CNIH3: variants seen among roughly 807,000 people sequenced by gnomAD.
CNIH3 encodes the protein cornichon family AMPA receptor auxiliary protein 3.
Under a neutral mutation model 24.1 loss-of-function variants are expected in CNIH3, and 14 were observed. The observed-to-expected ratio is 0.58, with a 90% CI of 0.38 to 0.91. CNIH3 has a LOEUF of 0.91. Ranked by LOEUF, CNIH3 falls within the 40% of genes least tolerant of loss-of-function variation. CNIH3 has a pLI of 0.00. For missense variants in CNIH3, 178 were observed against 196.8 expected, an observed-to-expected ratio of 0.90 and a Z score of 0.57; for synonymous variants, 68 against 73.8, an observed-to-expected ratio of 0.92 and a Z score of 0.40.
At chr1:224,518,100 C>G (rs1274175555) in intron 1 of CNIH3, among the ~76,000 whole-genome samples, 4 of 152,104 alleles carry the variant, frequency 2.6e-5, no homozygotes, top group Non-Finnish European at 5.9e-5. Flanking sequence ...GTTTATGTAC[C>G]TTAGAGATGA....
chr1:224,616,597 G>T lies in CNIH3; in HGVS notation c.-578G>T. ...GACCAACGGGACCTACCTCCTCCCGGCTACCTAAAGACTCCTTCTCTCGGG... is the reference window on the plus strand; with the variant it reads ...GACCAACGGGACCTACCTCCTCCCGTCTACCTAAAGACTCCTTCTCTCGGG... On this transcript the variant is annotated 5_prime_UTR_variant, in exon 1 of 6. Transcript: ENST00000272133. 2.0e-6 allele frequency: 2 copies of T among 986,690 alleles called. No homozygotes were observed. The highest frequency in any genetic ancestry group is 2.4e-6 in the Non-Finnish European group (2 of 830,864). The allele number at this position is 986,690 out of a possible 1,614,324, so 61.1% of individuals were successfully genotyped here. A position where few individuals can be genotyped will look rare whatever the true frequency, so the allele number is the denominator to read the frequency against.
chr1:224,633,371 C>G (rs1421770431), intron 1 of CNIH3, among the ~76,000 whole-genome samples: 1 of 152,094 alleles, frequency 6.6e-6, no homozygotes, highest in East Asian at 1.9e-4. Context: ...GTTGCCCAGG[C>G]TGATCTTGAA....
chr1:224,486,271 A>G (rs1677026373), intron 1 of CNIH3, among the ~76,000 whole-genome samples: 1 of 151,456 alleles, frequency 6.6e-6, no homozygotes, highest in South Asian at 2.1e-4. Flanking sequence ...ATGCCCAGCT[A>G]ATTTTTGTGG....
chr1:224,448,920 G>A (rs780997763), intron 1 of CNIH3, among the ~76,000 whole-genome samples: 1 of 149,740 alleles, frequency 6.7e-6, no homozygotes, highest in Non-Finnish European at 1.5e-5. Context: ...CATGAAGAAT[G>A]TCACAATTTC....
At chr1:224,549,244 T>C (rs540180255) in intron 3 of CNIH3, among the ~76,000 whole-genome samples, 336 of 152,264 alleles carry the variant, frequency 2.2e-3, no homozygotes, top group African/African-American at 7.7e-3. Flanking sequence ...AGAGCAATGA[T>C]ATTTCCTTAA....
At chr1:224,543,558 T>C (rs1346864510) in intron 2 of CNIH3, among the ~76,000 whole-genome samples, 4 of 151,962 alleles carry the variant, frequency 2.6e-5, no homozygotes, top group Non-Finnish European at 5.9e-5. Context: ...TTTTGGCTTG[T>C]GGAGTCAGTG....
At chr1:224,599,283 A>T (rs1030135992) in intron 3 of CNIH3, among the ~76,000 whole-genome samples, 1 of 152,210 alleles carries the variant, frequency 6.6e-6, no homozygotes, top group Non-Finnish European at 1.5e-5. Flanking sequence ...CTGAGCCAAG[A>T]TGGCCTTCCT....
chr1:224,561,819 G>C (rs1164537787), intron 3 of CNIH3, among the ~76,000 whole-genome samples: 1 of 152,212 alleles, frequency 6.6e-6, no homozygotes, highest in Non-Finnish European at 1.5e-5. Context: ...TGGAGGACCT[G>C]AGCTCACATA....
intron 4 of CNIH3, among the ~76,000 whole-genome samples, chr1:224,566,869 T>G (rs1458936558): frequency 6.6e-6 from 1 of 152,228 alleles, no homozygotes; most frequent in African/African-American, 2.4e-5. Context: ...TATATAATTC[T>G]TTGGGTATAT....
intron 1 of CNIH3, among the ~76,000 whole-genome samples, chr1:224,466,963 A>G (rs1676173747): frequency 6.6e-6 from 1 of 152,158 alleles, no homozygotes; most frequent in South Asian, 2.1e-4. Context: ...AATTCTTTAT[A>G]TTCTAGATAC....
intron 3 of CNIH3, among the ~76,000 whole-genome samples, chr1:224,606,768 G>C (rs892825196): frequency 6.6e-6 from 1 of 152,052 alleles, no homozygotes; most frequent in South Asian, 2.1e-4. Flanking sequence ...TTTGTGCAGG[G>C]GGCAGGAGGA....
At chr1:224,666,772 A>G (rs1266009276) in intron 1 of CNIH3, among the ~76,000 whole-genome samples, 1 of 152,212 alleles carries the variant, frequency 6.6e-6, no homozygotes, top group Non-Finnish European at 1.5e-5. Context: ...TTTAGGCTTT[A>G]TCATTCAAGT....
chr1:224,445,865 A>C (rs766676578), intron 1 of CNIH3, among the ~76,000 whole-genome samples: 2 of 152,160 alleles, frequency 1.3e-5, no homozygotes, highest in African/African-American at 2.4e-5. Flanking sequence ...TATCCTCTGG[A>C]AGTTTCAACG....
In CNIH3 at chr1:224,594,240, C is replaced by A. The variant is rs79260715; in HGVS notation, n.402+27976C>A. On this transcript the variant is annotated intron_variant and non_coding_transcript_variant, in intron 3 of 7. Transcript: ENST00000478120. ...TAGAGCCCAAGCCTGGCCCAGGTGG[C>A]CTGGACACTGCACACTGACCCAGTC... Among the ~76,000 whole-genome samples, 366 of 152,320 alleles carry A rather than the reference C, an allele frequency of 2.4e-3. 10 individuals carry two copies. In the East Asian group the frequency reaches 0.048, roughly 20 times the overall value.
intron 1 of CNIH3, among the ~76,000 whole-genome samples, chr1:224,625,707 TGTG>T (rs924711675): frequency 1.3e-5 from 2 of 152,044 alleles, no homozygotes; most frequent in African/African-American, 4.8e-5. Context: ...TGGTTGAAGG[TGTG>T]GAGGAGGGCA....
intron 1 of CNIH3, among the ~76,000 whole-genome samples, chr1:224,633,987 A>C (rs998489752): frequency 1.3e-5 from 2 of 152,200 alleles, no homozygotes; most frequent in African/African-American, 4.8e-5. Context: ...AAAACATCTT[A>C]TTTCTCTTCC....
At chr1:224,479,588 G>A (rs1572331366) in intron 1 of CNIH3, among the ~76,000 whole-genome samples, 1 of 152,236 alleles carries the variant, frequency 6.6e-6, no homozygotes, top group Non-Finnish European at 1.5e-5. Context: ...TTACAATGGG[G>A]TTACAGGCAT....
chr1:224,621,250 G>A (rs1477803479), intron 1 of CNIH3, among the ~76,000 whole-genome samples: 5 of 152,242 alleles, frequency 3.3e-5, no homozygotes, highest in Non-Finnish European at 7.3e-5. Flanking sequence ...ACATACATAT[G>A]TGCCGAGAGG....
intron 1 of CNIH3, among the ~76,000 whole-genome samples, chr1:224,473,868 C>A (rs1225841565): frequency 6.6e-6 from 1 of 152,142 alleles, no homozygotes; most frequent in Non-Finnish European, 1.5e-5. Context: ...GCACATGGAT[C>A]ATTCACAAGG....
Sources: allele counts gnomAD v4.1 joint callset (sites outside exome capture counted in the v4.1 genomes callset), GRCh38; gene constraint gnomAD v4.1.1; transcripts MANE v1.5; gene names NCBI Gene and HGNC (gene_info 2026-07-23, HGNC 2026-07-21).